Variants in CHD7 observed in about 807,000 individuals in gnomAD.
CHD7 encodes ATP-dependent chromatin remodeler CHD7.
Under a neutral mutation model 307.3 loss-of-function variants are expected in CHD7, and 24 were observed. The ratio of observed to expected loss-of-function variants is 0.08; its 90% CI spans 0.06 to 0.11. CHD7 has a LOEUF of 0.11. Ranked by LOEUF, CHD7 falls within the 10% of genes least tolerant of loss-of-function variation. CHD7 has a pLI of 1.00. For missense variants in CHD7, 3,106 were observed against 3,727.1 expected (o/e 0.83, Z 4.34); for synonymous variants, 1,363 against 1,349.9 (o/e 1.01, Z -0.21).
chr8:60,810,600 C>T (rs1389501884), intron 7 of CHD7, among the ~76,000 whole-genome samples: 1 of 152,082 alleles, frequency 6.6e-6, no homozygotes, highest in African/African-American at 2.4e-5. Flanking sequence ...ACCTGGCTCT[C>T]TTATTTTTTA....
intron 6 of CHD7, among the ~76,000 whole-genome samples, chr8:60,804,361 G>T (rs1390330881): frequency 1.3e-5 from 2 of 151,964 alleles, no homozygotes; most frequent in Non-Finnish European, 2.9e-5. Context: ...GTATCAGAAG[G>T]CCAAAAGTAG....
chr8:60,694,513 C>G (rs1321468598), intron 1 of CHD7, among the ~76,000 whole-genome samples: 2 of 152,194 alleles, frequency 1.3e-5, no homozygotes, highest in African/African-American at 4.8e-5. Context: ...TTGCCCTCTC[C>G]TTTGATAAGT....
intron 2 of CHD7, among the ~76,000 whole-genome samples, chr8:60,775,312 A>G (rs375577678): frequency 2.0e-5 from 3 of 152,278 alleles, no homozygotes; most frequent in Non-Finnish European, 4.4e-5. Flanking sequence ...GACATATAGG[A>G]ATATGTAACA....
At chr8:60,757,441 C>T (rs894301189) in intron 2 of CHD7, among the ~76,000 whole-genome samples, 4 of 152,154 alleles carry the variant, frequency 2.6e-5, no homozygotes, top group African/African-American at 9.7e-5. Context: ...TGAATACATG[C>T]ATTAAAATGT....
chr8:60,862,844 A>G (rs1358782809), intron 37 of CHD7, 192 bp downstream of exon 37: 7 of 525,642 alleles, frequency 1.3e-5, no homozygotes, highest in Admixed American at 3.3e-5. Context: ...TTCATTTATC[A>G]GCTCCAATTT....
intron 1 of CHD7, among the ~76,000 whole-genome samples, chr8:60,710,719 G>A (rs905925249): frequency 1.4e-4 from 21 of 152,208 alleles, no homozygotes; most frequent in African/African-American, 3.9e-4. Context: ...ACCTCAGAGA[G>A]CAGTGTGATT....
intron 19 of CHD7, among the ~76,000 whole-genome samples, chr8:60,840,016 G>A (rs1804899276): frequency 6.6e-6 from 1 of 152,108 alleles, no homozygotes. Flanking sequence ...TCATATAAAT[G>A]GAATCATATG....
intron 2 of CHD7, among the ~76,000 whole-genome samples, chr8:60,759,646 C>T (rs1208249909): frequency 6.6e-6 from 1 of 152,126 alleles, no homozygotes; most frequent in Non-Finnish European, 1.5e-5. Flanking sequence ...AGAGGTAAGC[C>T]CCCGTCAGTC....
rs139560452 is a variant in CHD7 at position 60,834,427 on chromosome 8, G to A, written c.3779-1646G>A. Among the ~76,000 whole-genome samples, 552 of 152,266 alleles carry A rather than the reference G, an allele frequency of 3.6e-3. 3 individuals are homozygous for A. Among genetic ancestry groups the A allele is most frequent in the African/African-American group, 0.012 (519 of 41,540 alleles). ...ACACTTGAAAGATACCTAATGTAAC[G>A]TGCACTTAAATCTGTTTCCCCTGTC... On this transcript the variant is annotated intron_variant, in intron 15 of 37. Transcript: ENST00000423902.
intron 15 of CHD7, among the ~76,000 whole-genome samples, chr8:60,834,404 A>G (rs1804656092): frequency 6.6e-6 from 1 of 152,202 alleles, no homozygotes; most frequent in Non-Finnish European, 1.5e-5. Context: ...ACAAGAATAC[A>G]CTTGAAAGAT....
At chr8:60,858,613 A>G (rs1478332139) in intron 34 of CHD7, among the ~76,000 whole-genome samples, 1 of 152,020 alleles carries the variant, frequency 6.6e-6, no homozygotes, top group Non-Finnish European at 1.5e-5. Context: ...TTTTTGAAAC[A>G]GGGTTTGTTT....
intron 4 of CHD7, among the ~76,000 whole-genome samples, chr8:60,797,226 G>T (rs577651292): frequency 6.6e-6 from 1 of 152,250 alleles, no homozygotes; most frequent in Non-Finnish European, 1.5e-5. Context: ...CAAAATAAAT[G>T]TAAGATCAAT....
At chr8:60,811,911 C>T (rs1475267804) in intron 7 of CHD7, among the ~76,000 whole-genome samples, 1 of 152,138 alleles carries the variant, frequency 6.6e-6, no homozygotes, top group African/African-American at 2.4e-5. Flanking sequence ...AGCATTTTCT[C>T]TTATTGTGAA....
chr8:60,741,871 C>T lies in CHD7; in HGVS notation c.439C>T (p.Pro147Ser), dbSNP rs536699844. The T allele has an allele frequency of 1.2e-6, 2 of 1,613,790 alleles. No homozygotes were observed. Among genetic ancestry groups the T allele is most frequent in the South Asian group, 1.1e-5 (1 of 91,044 alleles). ...SFVDSSSMWG[P>S]RAVQVPDQIR... ...TGTGGACAGCAGCTCCATGTGGGGC[C>T]CCAGGGCTGTTCAGGTACCAGACCA... Residue 147 changes from proline to serine, a missense_variant, in exon 2 of 38, where the codon CCC (proline) becomes TCC (serine). By Grantham distance (74) the Pro-to-Ser change is moderately conservative (BLOSUM62 -1). Transcript: ENST00000423902.
intron 7 of CHD7, among the ~76,000 whole-genome samples, chr8:60,810,205 C>T (rs561707760): frequency 1.3e-4 from 20 of 152,234 alleles, no homozygotes; most frequent in African/African-American, 4.8e-4. Context: ...CCAGGCTCAT[C>T]TCGTAACTTC....
chr8:60,809,910 A>AG (rs1299527524), intron 7 of CHD7, among the ~76,000 whole-genome samples: 1 of 152,152 alleles, frequency 6.6e-6, no homozygotes, highest in Non-Finnish European at 1.5e-5. Flanking sequence ...GTGGTTGCTA[A>AG]GGGGTGATTT....
At chr8:60,717,181 AAAG>A (rs1379913178) in intron 1 of CHD7, among the ~76,000 whole-genome samples, 1 of 152,182 alleles carries the variant, frequency 6.6e-6, no homozygotes, top group East Asian at 1.9e-4. Context: ...TTCCATTTGA[AAAG>A]AAAATTATTA....
At chr8:60,791,047 G>A (rs1811750815) in intron 3 of CHD7, among the ~76,000 whole-genome samples, 1 of 152,152 alleles carries the variant, frequency 6.6e-6, no homozygotes, top group Admixed American at 6.5e-5. Context: ...AAAGGTTCTG[G>A]TACACCCATA....
intron 1 of CHD7, among the ~76,000 whole-genome samples, chr8:60,708,240 G>A (rs189960018): frequency 1.1e-4 from 17 of 152,276 alleles, no homozygotes; most frequent in East Asian, 3.9e-4. Flanking sequence ...TGAGGTATTC[G>A]AAATCACACC....
Sources: gnomAD v4.1 joint callset for allele counts (sites outside exome capture counted in the v4.1 genomes callset) on GRCh38, gnomAD v4.1.1 for gene constraint, MANE v1.5 for transcripts, NCBI Gene and HGNC (gene_info 2026-07-23, HGNC 2026-07-21) for gene names.